RANBP2: variants seen among roughly 807,000 people sequenced by gnomAD.
RANBP2 encodes RAN binding protein 2, also known as E3 SUMO-protein ligase RanBP2.
Under a neutral mutation model 303.6 loss-of-function variants are expected in RANBP2, and 57 were observed. The ratio of observed to expected loss-of-function variants is 0.19; its 90% CI spans 0.15 to 0.23. The LOEUF (loss-of-function observed/expected upper bound fraction) is 0.23. Ranked by LOEUF, RANBP2 falls within the 10% of genes least tolerant of loss-of-function variation. The probability of loss-of-function intolerance (pLI) is 1.00; values close to 1 mark genes in which losing one functional copy is unlikely to be tolerated. For missense variants in RANBP2, 3,138 were observed against 3,780.8 expected, an observed-to-expected ratio of 0.83 and a Z score of 4.46; for synonymous variants, 1,167 against 1,301.5, an observed-to-expected ratio of 0.90 and a Z score of 2.23.
the RANBP2 span, among the ~76,000 whole-genome samples, chr2:109,325,331 C>CTTTTTTTTTTTT: frequency 3.8e-4 from 25 of 66,252 alleles, no homozygotes; most frequent in Non-Finnish European, 5.4e-4. Context: ...TTCTTTCTTT[C>CTTTTTTTTTTTT]TTTTTTTTTT....
At chr2:109,116,802 G>C in the RANBP2 span, among the ~76,000 whole-genome samples, 1 of 152,126 alleles carries the variant, frequency 6.6e-6, no homozygotes, top group African/African-American at 2.4e-5. Flanking sequence ...TGTACAGATG[G>C]GTTTTTGGTG....
At chr2:109,254,629 T>G in the RANBP2 span, among the ~76,000 whole-genome samples, 1 of 152,176 alleles carries the variant, frequency 6.6e-6, no homozygotes, top group South Asian at 2.1e-4. Context: ...GTTGGTCAAA[T>G]AGTTTCTTTG....
intron 28 of RANBP2, 137 bp downstream of exon 28, chr2:108,782,999 C>T (rs1016597641): frequency 2.6e-6 from 2 of 775,802 alleles, no homozygotes; most frequent in Non-Finnish European, 4.3e-6. Context: ...CATGGAATCA[C>T]ATGGCATCAC....
chr2:108,789,317 G>C (rs1239950100), downstream of RANBP2, among the ~76,000 whole-genome samples: 1 of 152,192 alleles, frequency 6.6e-6, no homozygotes. Context: ...TATGGGCCAG[G>C]TGCGGTGGCT....
the RANBP2 span, among the ~76,000 whole-genome samples, chr2:109,528,889 G>A: frequency 6.6e-6 from 1 of 152,184 alleles, no homozygotes; most frequent in African/African-American, 2.4e-5. Context: ...GTCGGTGTAG[G>A]CCGGCACGAA....
the RANBP2 span, among the ~76,000 whole-genome samples, chr2:109,133,899 C>T: frequency 6.6e-6 from 1 of 152,138 alleles, no homozygotes; most frequent in Non-Finnish European, 1.5e-5. Context: ...CCTTGCCAGG[C>T]TGTAGTCTCT....
chr2:109,219,368 C>T, the RANBP2 span, among the ~76,000 whole-genome samples: 4 of 152,164 alleles, frequency 2.6e-5, no homozygotes, highest in Non-Finnish European at 5.9e-5. Context: ...TTCACCATCA[C>T]TTAATAAAAC....
the RANBP2 span, among the ~76,000 whole-genome samples, chr2:109,670,810 T>A: frequency 6.6e-6 from 1 of 151,596 alleles, no homozygotes; most frequent in East Asian, 2.0e-4. Flanking sequence ...CAGGGCCCTG[T>A]GGGTGGAGGC....
At chr2:109,205,010 C>A in the RANBP2 span, among the ~76,000 whole-genome samples, 6 of 152,226 alleles carry the variant, frequency 3.9e-5, no homozygotes, top group African/African-American at 1.4e-4. Flanking sequence ...GAGGTTGAGA[C>A]CGGCCTGGTC....
the RANBP2 span, among the ~76,000 whole-genome samples, chr2:109,318,906 G>A: frequency 6.6e-6 from 1 of 152,254 alleles, no homozygotes; most frequent in Non-Finnish European, 1.5e-5. Flanking sequence ...TGGTAGGTGA[G>A]CCAAGTGAAT....
At chr2:109,135,379 A>G in the RANBP2 span, among the ~76,000 whole-genome samples, 8 of 152,142 alleles carry the variant, frequency 5.3e-5, no homozygotes, top group African/African-American at 1.4e-4. Flanking sequence ...TGGCTTCCAC[A>G]CTTCCTCACC....
the RANBP2 span, among the ~76,000 whole-genome samples, chr2:109,599,179 C>G: frequency 6.6e-6 from 1 of 151,996 alleles, no homozygotes; most frequent in African/African-American, 2.4e-5. Context: ...AAGTGGAGGC[C>G]GGGCGCGGTG....
At chr2:109,027,251 A>C in the RANBP2 span, among the ~76,000 whole-genome samples, 306 of 151,064 alleles carry the variant, frequency 2.0e-3, no homozygotes, top group African/African-American at 7.2e-3. Flanking sequence ...TCAAAAAAAA[A>C]AAAAAAAAAA....
chr2:109,203,577 C>T, the RANBP2 span, among the ~76,000 whole-genome samples: 1 of 152,152 alleles, frequency 6.6e-6, no homozygotes, highest in South Asian at 2.1e-4. Context: ...GTGGTTCGTC[C>T]AGCTCTCTGG....
the RANBP2 span, among the ~76,000 whole-genome samples, chr2:108,977,435 AT>A: frequency 9.0e-4 from 136 of 151,882 alleles, no homozygotes; most frequent in African/African-American, 3.0e-3. Flanking sequence ...TGCCTGGCTA[AT>A]TTTTTTTGTA....
At chr2:109,653,728 A>G in the RANBP2 span, among the ~76,000 whole-genome samples, 1 of 152,166 alleles carries the variant, frequency 6.6e-6, no homozygotes, top group Non-Finnish European at 1.5e-5. Flanking sequence ...GAATCTTTGA[A>G]TTCCTTCCTT....
the RANBP2 span, among the ~76,000 whole-genome samples, chr2:109,458,850 C>T: frequency 1.3e-5 from 2 of 152,216 alleles, no homozygotes; most frequent in South Asian, 4.1e-4. Context: ...GATATTAACA[C>T]ATTTGCCAAA....
At chr2:109,289,958 C>T in the RANBP2 span, among the ~76,000 whole-genome samples, 1 of 152,184 alleles carries the variant, frequency 6.6e-6, no homozygotes. Flanking sequence ...CTTGGAGTAG[C>T]TCAAGGCTTC....
the RANBP2 span, among the ~76,000 whole-genome samples, chr2:108,792,312 C>G: frequency 4.6e-5 from 7 of 152,308 alleles, no homozygotes; most frequent in African/African-American, 1.7e-4. Flanking sequence ...CCTCTTTTCC[C>G]TCTCCTTTGT....
Sources: allele counts gnomAD v4.1 joint callset (sites outside exome capture counted in the v4.1 genomes callset), GRCh38; gene constraint gnomAD v4.1.1; transcripts MANE v1.5; gene names NCBI Gene and HGNC (gene_info 2026-07-23, HGNC 2026-07-21).